PDE4D: variants seen among roughly 807,000 people sequenced by gnomAD.
PDE4D encodes the protein 3',5'-cyclic-AMP phosphodiesterase 4D.
A neutral mutation model predicts 87.4 loss-of-function variants in PDE4D; 24 were observed. The observed-to-expected ratio is 0.27, with a 90% confidence interval of 0.20 to 0.39. The LOEUF (loss-of-function observed/expected upper bound fraction) is 0.39, where lower values mean the gene tolerates loss of function less well. Ranked by LOEUF, PDE4D falls within the 10% of genes least tolerant of loss-of-function variation. The pLI is 1.00. For missense variants in PDE4D, 714 were observed against 1,041.0 expected, an observed-to-expected ratio of 0.69 and a Z score of 4.32; for synonymous variants, 384 against 383.2, an observed-to-expected ratio of 1.00 and a Z score of -0.02.
At chr5:59,762,458 A>ATATGGGTACACATATGTGTG (rs1762180192) in intron 1 of PDE4D, among the ~76,000 whole-genome samples, 1 of 133,202 alleles carries the variant, frequency 7.5e-6, no homozygotes, top group Admixed American at 7.4e-5. Context: ...ACATATGTGT[A>ATATGGGTACACATATGTGTG]TATGTGTATA....
intron 1 of PDE4D, among the ~76,000 whole-genome samples, chr5:59,276,634 T>C (rs906004641): frequency 6.6e-6 from 1 of 152,072 alleles, no homozygotes; most frequent in African/African-American, 2.4e-5. Context: ...AAATTGAATG[T>C]ATTATTCCTG....
chr5:60,507,435 AC>A (rs1412517763), intron 1 of PDE4D, among the ~76,000 whole-genome samples: 2 of 152,222 alleles, frequency 1.3e-5, no homozygotes, highest in Non-Finnish European at 2.9e-5. Flanking sequence ...CATATTATGA[AC>A]AAAAATGCTA....
intron 1 of PDE4D, among the ~76,000 whole-genome samples, chr5:59,675,106 A>C (rs1224706092): frequency 6.6e-6 from 1 of 152,230 alleles, no homozygotes; most frequent in Admixed American, 6.5e-5. Flanking sequence ...TAAATATTCC[A>C]AAAGCATTTT....
chr5:60,278,908 A>G (rs1751623655), intron 1 of PDE4D, among the ~76,000 whole-genome samples: 1 of 152,210 alleles, frequency 6.6e-6, no homozygotes, highest in South Asian at 2.1e-4. Flanking sequence ...GTTGGTATCT[A>G]TTAATTGCAA....
intron 3 of PDE4D, chr5:59,987,938 A>G (rs575869953): frequency 6.6e-6 from 1 of 152,352 alleles, no homozygotes; most frequent in Non-Finnish European, 1.5e-5. Context: ...TGACTCCTCT[A>G]TAAGTACTAA....
intron 5 of PDE4D, among the ~76,000 whole-genome samples, chr5:59,127,292 T>C (rs1157759438): frequency 6.6e-6 from 1 of 152,218 alleles, no homozygotes; most frequent in African/African-American, 2.4e-5. Flanking sequence ...TTAAAGCATA[T>C]CAGTTTTACC....
chr5:60,496,175 G>A (rs1378507869), intron 1 of PDE4D, among the ~76,000 whole-genome samples: 1 of 152,118 alleles, frequency 6.6e-6, no homozygotes, highest in East Asian at 1.9e-4. Flanking sequence ...TGGGATGGCC[G>A]TTCAGGAAAT....
chr5:59,096,484 T>TG (rs1769739745), intron 5 of PDE4D, among the ~76,000 whole-genome samples: 1 of 152,198 alleles, frequency 6.6e-6, no homozygotes, highest in African/African-American at 2.4e-5. Flanking sequence ...AACATCCCCA[T>TG]GGTCAGATGG....
intron 5 of PDE4D, among the ~76,000 whole-genome samples, chr5:59,054,169 C>A (rs941593436): frequency 6.6e-6 from 1 of 152,066 alleles, no homozygotes; most frequent in South Asian, 2.1e-4. Context: ...TCAAGGCCAC[C>A]GCTAACAAGA....
chr5:59,143,119 T>C (rs1778145350), intron 5 of PDE4D, among the ~76,000 whole-genome samples: 1 of 151,804 alleles, frequency 6.6e-6, no homozygotes, highest in Admixed American at 6.6e-5. Context: ...CTTCCTTCCT[T>C]CCTTCCCTTA....
intron 1 of PDE4D, among the ~76,000 whole-genome samples, chr5:59,382,482 T>C (rs1217714182): frequency 2.0e-5 from 3 of 152,108 alleles, no homozygotes; most frequent in Admixed American, 2.0e-4. Context: ...TTTGGCAAAA[T>C]TGTCATCATA....
At chr5:60,519,824 G>A (rs1750956801) in intron 1 of PDE4D, among the ~76,000 whole-genome samples, 1 of 152,022 alleles carries the variant, frequency 6.6e-6, no homozygotes, top group South Asian at 2.1e-4. Context: ...TACGTCAAAG[G>A]TAAAAATAGC....
intron 1 of PDE4D, among the ~76,000 whole-genome samples, chr5:60,347,626 A>G (rs764170632): frequency 7.9e-5 from 12 of 152,154 alleles, no homozygotes; most frequent in Non-Finnish European, 1.3e-4. Flanking sequence ...AAATGCAGAC[A>G]TGATTTAGAA....
At chr5:59,645,306 A>C (rs1742267528) in intron 1 of PDE4D, among the ~76,000 whole-genome samples, 1 of 152,108 alleles carries the variant, frequency 6.6e-6, no homozygotes, top group South Asian at 2.1e-4. Flanking sequence ...GCACTGGAAA[A>C]GGCTCGAGGG....
At chr5:60,197,082 T>TAGATAGAA (rs1554183825) in intron 1 of PDE4D, among the ~76,000 whole-genome samples, 3 of 83,766 alleles carry the variant, frequency 3.6e-5, no homozygotes, top group African/African-American at 1.4e-4. Context: ...GACAGTTAGA[T>TAGATAGAA]AGATAGATAG....
intron 1 of PDE4D, among the ~76,000 whole-genome samples, chr5:59,591,495 A>AT (rs572365528): frequency 6.6e-6 from 1 of 152,136 alleles, no homozygotes; most frequent in South Asian, 2.1e-4. Context: ...GTTAAGGTAT[A>AT]TTTTTTTGTC....
rs542727432 is a variant in PDE4D, at chr5:60,077,032, C to T, written c.43-88315G>A. ...TGCTGATGGACACAAGACTGTGGACCCTCTGTGTGTTTTCATGCAGGCAGT... is the reference window on the plus strand; with the variant it reads ...TGCTGATGGACACAAGACTGTGGACTCTCTGTGTGTTTTCATGCAGGCAGT... On this transcript the variant is annotated intron_variant, in intron 2 of 16. Coordinates refer to the PDE4D transcript ENST00000502484. Among the ~76,000 whole-genome samples the T allele has an allele frequency of 8.5e-5, 13 of 152,144 alleles. No individual in the cohort carries two copies. The South Asian group carries it at 2.5e-3, about 29-fold the overall frequency.
chr5:60,036,909 G>A (rs1181351919), intron 2 of PDE4D, among the ~76,000 whole-genome samples: 2 of 152,148 alleles, frequency 1.3e-5, no homozygotes, highest in Admixed American at 6.5e-5. Flanking sequence ...AAGGGGTAGA[G>A]GGAGGAAAAA....
intron 1 of PDE4D, among the ~76,000 whole-genome samples, chr5:60,443,179 A>C (rs1306385694): frequency 2.0e-5 from 3 of 152,148 alleles, no homozygotes; most frequent in Non-Finnish European, 2.9e-5. Context: ...TGAGAAATTG[A>C]CTTTTTAATA....
Sources: allele counts gnomAD v4.1 joint callset (sites outside exome capture counted in the v4.1 genomes callset), GRCh38; gene constraint gnomAD v4.1.1; transcripts MANE v1.5; gene names NCBI Gene and HGNC (gene_info 2026-07-23, HGNC 2026-07-21).